The following PRKCG variants were observed in gnomAD, a reference collection of about 807,000 sequenced individuals.
The protein encoded by PRKCG is protein kinase C gamma, also known as protein kinase C gamma type.
Under a neutral mutation model 82.0 loss-of-function variants are expected in PRKCG, and 28 were observed. That is an observed-to-expected ratio of 0.34 (90% CI 0.25 to 0.47). The LOEUF is 0.47. Ranked by LOEUF, PRKCG falls within the 20% of genes least tolerant of loss-of-function variation. PRKCG has a pLI of 1.00. For synonymous variants in PRKCG, 383 were observed against 376.6 expected (o/e 1.02, Z -0.20); for missense variants, 640 against 952.7 (o/e 0.67, Z 4.32).
chr19:53,888,772 A>C (rs2068650157), intron 3 of PRKCG, among the ~76,000 whole-genome samples: 1 of 152,036 alleles, frequency 6.6e-6, no homozygotes, highest in South Asian at 2.1e-4. Flanking sequence ...ATGGACACTG[A>C]CAGAAGCTGC....
In PRKCG at chr19:53,884,009, T is replaced by G. The variant is rs185622352; in HGVS notation, c.203-152T>G. 2.6e-6 allele frequency: 2 copies of G among 760,774 alleles called. No individual in the cohort carries two copies. The highest frequency in any genetic ancestry group is 5.4e-5 in the East Asian group (2 of 37,382). 47.1% of individuals were successfully genotyped at this position (760,774 alleles called of 1,614,324 possible). A position where few individuals can be genotyped will look rare whatever the true frequency, so the allele number is the denominator to read the frequency against. On this transcript the variant is annotated intron_variant, in intron 2 of 17. Transcript: ENST00000263431. The surrounding 1 kb of genome is among the most constrained non-coding windows in gnomAD (Gnocchi z 4.6). ...TGCTTCTCTCTCTGGCCTCCGATTT[T>G]CTCTCTGTTGGACTCTCTGTGTTGA...
chr19:53,892,728 C>G lies in PRKCG; in HGVS notation c.821+85C>G. ...TGGTCTCTCTCCTCCAGGCCACTGT[C>G]CTTCCCTCTGCCTCCCAGCATGCGC... is the stretch of plus-strand genomic sequence containing the variant. On this transcript the variant is annotated intron_variant, in intron 7 of 17. Coordinates refer to ENST00000263431, the MANE Select transcript of PRKCG (RefSeq NM_002739.5). The surrounding 1 kb of genome is among the most constrained non-coding windows in gnomAD (Gnocchi z 5.9). 6.6e-7 allele frequency: 1 copy of G among 1,516,702 alleles called. No individual in the cohort carries two copies. Among genetic ancestry groups the G allele is most frequent in the Non-Finnish European group, 8.9e-7 (1 of 1,129,540 alleles). 94.0% of individuals were successfully genotyped at this position (1,516,702 alleles called of 1,614,324 possible).
chr19:53,904,840 A>G (rs1373020313), intron 16 of PRKCG, 98 bp downstream of exon 16: 2 of 966,042 alleles, frequency 2.1e-6, no homozygotes, highest in Non-Finnish European at 1.6e-6. Context: ...TCCTGAAGTC[A>G]CTTTACTTCC....
chr19:53,892,430 C>G lies in PRKCG; in HGVS notation c.687-79C>G. ...AGCCCCAGCTGGCTGGGTTTGCCCC[C>G]ACCTCCAGCACCAAGGATGGGGAAC... On this transcript the variant is annotated intron_variant, in intron 6 of 17. Transcript: ENST00000263431. This position sits in a 1 kb window ranked among gnomAD's most constrained non-coding sequence, Gnocchi z 5.9. The G allele has an allele frequency of 6.4e-7, 1 of 1,557,420 alleles. No homozygotes were observed. The highest frequency in any genetic ancestry group is 8.6e-7 in the Non-Finnish European group (1 of 1,156,980).
At chr19:53,902,890 C>T (rs1382553367) in intron 14 of PRKCG, among the ~76,000 whole-genome samples, 183 bp from the exon 15 acceptor site, 26 of 19,964 alleles carry the variant, frequency 1.3e-3, no homozygotes, top group Non-Finnish European at 3.0e-3. Context: ...GAGACCCTGT[C>T]AAAAAAAAAA....
At chr19:53,902,713 A>C (rs115882819) in intron 14 of PRKCG, among the ~76,000 whole-genome samples, 7,401 of 151,746 alleles carry the variant, frequency 0.049, 575 homozygotes, top group African/African-American at 0.16. Flanking sequence ...TGGGCAACAT[A>C]GTGAGGACCT....
At chr19:53,899,959 T>TC (rs1422133908) in intron 11 of PRKCG, among the ~76,000 whole-genome samples, 7 of 152,198 alleles carry the variant, frequency 4.6e-5, no homozygotes, top group African/African-American at 1.4e-4. Flanking sequence ...ATTTTGGTGT[T>TC]CCCGGATTTC....
intron 11 of PRKCG, among the ~76,000 whole-genome samples, chr19:53,899,032 C>T (rs1028754988): frequency 9.4e-5 from 14 of 148,592 alleles, no homozygotes; most frequent in African/African-American, 3.5e-4. Context: ...ATAGGCGTGG[C>T]CAGGCAGATT....
At position 53,900,150 on chromosome 19, in the gene PRKCG, C is replaced by A; in HGVS notation, c.1282-83C>A. On this transcript the variant is annotated intron_variant, in intron 11 of 17. Transcript: ENST00000263431. The surrounding 1 kb of genome is among the most constrained non-coding windows in gnomAD (Gnocchi z 4.2). Reference sequence around the variant, plus strand: ...GGTTGGGTGCATCTGGAACCTTCCACGTCTGTCCTGAGTGATCAGGAAAGA... The same window carrying A: ...GGTTGGGTGCATCTGGAACCTTCCAAGTCTGTCCTGAGTGATCAGGAAAGA... The A allele has an allele frequency of 7.5e-7, 1 of 1,325,858 alleles. No homozygotes were observed. Among genetic ancestry groups the A allele is most frequent in the East Asian group, 2.3e-5 (1 of 43,442 alleles). The allele number at this position is 1,325,858 out of a possible 1,614,324, so 82.1% of individuals were successfully genotyped here.
intron 14 of PRKCG, among the ~76,000 whole-genome samples, chr19:53,901,946 G>A (rs1179449257): frequency 6.6e-6 from 1 of 151,884 alleles, no homozygotes; most frequent in Non-Finnish European, 1.5e-5. Flanking sequence ...AAGTGGGTGG[G>A]GTATTACCCG....
At chr19:53,899,670 T>C (rs1388719453) in intron 11 of PRKCG, among the ~76,000 whole-genome samples, 1 of 151,750 alleles carries the variant, frequency 6.6e-6, no homozygotes, top group Non-Finnish European at 1.5e-5. Flanking sequence ...CACTGCAACC[T>C]CCGCCTCCCG....
Position 53,892,766 on chromosome 19 carries a change from ACACACACACACACACG to A in PRKCG, c.821+133_821+148del. ...TCCCAGCATGCGCACACACACACAC[ACACACACACACACACG>A]CACACACACGCACACACCCCTCTCT... On this transcript the variant is annotated intron_variant, in intron 7 of 17. Transcript: ENST00000263431. The surrounding 1 kb of genome is among the most constrained non-coding windows in gnomAD (Gnocchi z 5.9). The A allele has an allele frequency of 8.3e-7, 1 of 1,206,746 alleles. No individual in the cohort carries two copies. Among genetic ancestry groups the A allele is most frequent in the African/African-American group, 1.6e-5 (1 of 64,498 alleles). The allele number at this position is 1,206,746 out of a possible 1,614,324, so 74.8% of individuals were successfully genotyped here. A position where few individuals can be genotyped will look rare whatever the true frequency, so the allele number is the denominator to read the frequency against.
rs369085477 is a variant in PRKCG at position 53,898,375 on chromosome 19, AGG to A, written c.1093-61_1093-60del. On this transcript the variant is annotated intron_variant, in intron 10 of 17. Transcript: ENST00000263431. ...TCCCGTTTCCCTGCGTCCCTTAGGG[AGG>A]GGGCAGGTCCTGTACCACTGGGTTC... is the stretch of plus-strand genomic sequence containing the variant. The A allele has an allele frequency of 4.0e-4, 639 of 1,585,158 alleles. 2 individuals are homozygous for A. Among genetic ancestry groups the A allele is most frequent in the Non-Finnish European group, 5.4e-4 (618 of 1,154,400 alleles).
chr19:53,891,438 A>G (rs1262250174), intron 5 of PRKCG, among the ~76,000 whole-genome samples: 7 of 139,570 alleles, frequency 5.0e-5, no homozygotes, highest in Admixed American at 1.4e-4. Context: ...CACCACGCCC[A>G]GCTAATTTTT....
intron 3 of PRKCG, among the ~76,000 whole-genome samples, chr19:53,888,428 T>A (rs307952): frequency 0.39 from 59,222 of 152,030 alleles, 13,433 homozygotes; most frequent in African/African-American, 0.64. Context: ...ACCTGCATTC[T>A]TGCTTAATGG....
chr19:53,886,147 C>T (rs1210702554), intron 3 of PRKCG, among the ~76,000 whole-genome samples: 1 of 151,000 alleles, frequency 6.6e-6, no homozygotes, highest in Non-Finnish European at 1.5e-5. Context: ...CTCTGTCACC[C>T]AGGCTGGAGT....
At chr19:53,897,899 A>G (rs1048549219) in intron 9 of PRKCG, 60 bp from the exon 10 acceptor site, 2 of 1,609,162 alleles carry the variant, frequency 1.2e-6, no homozygotes, top group Non-Finnish European at 1.7e-6. Flanking sequence ...TCTTGGGAGC[A>G]TTTCCTTATC....
Position 53,898,187 on chromosome 19 carries a change from T to TG in PRKCG, c.1092+81dup, listed in dbSNP as rs1468769773. The stretch of plus-strand genomic sequence containing the variant: ...AGATTTCTGGTTCTTAGGGAGGAAG[T>TG]GGGGGTGGGAAGAGACTGGGCTCCT... On this transcript the variant is annotated intron_variant, in intron 10 of 17. Coordinates refer to ENST00000263431, the MANE Select transcript of PRKCG (RefSeq NM_002739.5). 4.5e-6 allele frequency: 7 copies of TG among 1,568,080 alleles called. No individual in the cohort carries two copies. The African/African-American group carries it at 6.8e-5, about 15-fold the overall frequency.
intron 11 of PRKCG, among the ~76,000 whole-genome samples, chr19:53,899,274 A>C (rs1210294906): frequency 6.6e-6 from 1 of 152,056 alleles, no homozygotes; most frequent in Non-Finnish European, 1.5e-5. Context: ...GAGTGGCCAG[A>C]TGCCTGTTTC....
Sources: allele counts gnomAD v4.1 joint callset (sites outside exome capture counted in the v4.1 genomes callset), GRCh38; gene constraint gnomAD v4.1.1; non-coding constraint Gnocchi (gnomAD v3.1); transcripts MANE v1.5; gene names NCBI Gene and HGNC (gene_info 2026-07-23, HGNC 2026-07-21).